The following PXDNL variants were observed in gnomAD, a reference collection of about 807,000 sequenced individuals.
The protein encoded by PXDNL is peroxidasin like.
In PXDNL, 145 loss-of-function variants were observed where a neutral mutation model predicts 150.8. The ratio of observed to expected loss-of-function variants is 0.96; its 90% confidence interval spans 0.84 to 1.10. PXDNL has a LOEUF of 1.10. Ranked by LOEUF, PXDNL falls within the 50% of genes least tolerant of loss-of-function variation. The pLI, the probability that PXDNL is intolerant of heterozygous loss-of-function variation, is 0.00. For missense variants in PXDNL, 2,087 were observed against 1,873.9 expected, an observed-to-expected ratio of 1.11 and a Z score of -2.10; for synonymous variants, 757 against 725.7, an observed-to-expected ratio of 1.04 and a Z score of -0.69.
chr8:51,509,832 A>G (rs1811375750), intron 4 of PXDNL, among the ~76,000 whole-genome samples: 1 of 151,216 alleles, frequency 6.6e-6, no homozygotes, highest in African/African-American at 2.4e-5. Flanking sequence ...GTGTGTATAT[A>G]CCGATTTAAA....
At chr8:51,440,833 G>A (rs1453245051) in intron 12 of PXDNL, among the ~76,000 whole-genome samples, 5 of 152,164 alleles carry the variant, frequency 3.3e-5, no homozygotes, top group Admixed American at 3.3e-4. Context: ...AGGGAGAAGA[G>A]TGAGATGTGT....
intron 4 of PXDNL, among the ~76,000 whole-genome samples, chr8:51,537,669 GGATATCAGA>G (rs1812112049): frequency 6.6e-6 from 1 of 152,134 alleles, no homozygotes; most frequent in South Asian, 2.1e-4. Context: ...AGCCCCCAAA[GGATATCAGA>G]GAACTTCTCT....
intron 1 of PXDNL, among the ~76,000 whole-genome samples, chr8:51,690,355 G>A (rs1815968000): frequency 6.6e-6 from 1 of 152,004 alleles, no homozygotes; most frequent in Non-Finnish European, 1.5e-5. Flanking sequence ...AGAGTGTGAT[G>A]TTCCCCTTCC....
intron 6 of PXDNL, among the ~76,000 whole-genome samples, chr8:51,481,123 G>A (rs1810594509): frequency 6.6e-6 from 1 of 152,178 alleles, no homozygotes; most frequent in Non-Finnish European, 1.5e-5. Flanking sequence ...GGGCTCAGAA[G>A]ACAGGCAGAT....
chr8:51,351,673 T>C (rs1376393648), intron 19 of PXDNL, among the ~76,000 whole-genome samples: 4 of 152,182 alleles, frequency 2.6e-5, no homozygotes, highest in Non-Finnish European at 5.9e-5. Flanking sequence ...TGGCACAGGT[T>C]AGCAGGTCCT....
At chr8:51,336,047 G>A (rs181334727) in intron 21 of PXDNL, among the ~76,000 whole-genome samples, 226 of 152,226 alleles carry the variant, frequency 1.5e-3, no homozygotes, top group Admixed American at 3.2e-3. Flanking sequence ...GACCATAAAT[G>A]TAATGTCACC....
intron 1 of PXDNL, among the ~76,000 whole-genome samples, chr8:51,728,647 AAT>A (rs1816863816): frequency 6.6e-6 from 1 of 152,298 alleles, no homozygotes; most frequent in African/African-American, 2.4e-5. Context: ...AAAGAGAGAA[AAT>A]ATGTTTGTAC....
At chr8:51,492,380 G>T (rs868366217) in intron 5 of PXDNL, among the ~76,000 whole-genome samples, 22 of 152,146 alleles carry the variant, frequency 1.4e-4, no homozygotes, top group African/African-American at 5.1e-4. Flanking sequence ...GGTGATTTCT[G>T]CATTTCCAAC....
At chr8:51,577,269 G>A (rs926791047) in intron 3 of PXDNL, among the ~76,000 whole-genome samples, 2 of 151,562 alleles carry the variant, frequency 1.3e-5, no homozygotes, top group African/African-American at 4.8e-5. Flanking sequence ...CAATATATTT[G>A]AGCAATATAT....
intron 5 of PXDNL, among the ~76,000 whole-genome samples, chr8:51,485,742 T>C (rs9643782): frequency 0.056 from 8,552 of 152,290 alleles, 389 homozygotes; most frequent in East Asian, 0.26. Flanking sequence ...CAAAACTCCA[T>C]TGCACTGGTC....
At chr8:51,735,640 G>A (rs1172392323) in intron 1 of PXDNL, among the ~76,000 whole-genome samples, 6 of 132,312 alleles carry the variant, frequency 4.5e-5, no homozygotes, top group Middle Eastern at 4.7e-3. Flanking sequence ...TCCGCCTCCC[G>A]GGTTCACGCC....
At chr8:51,513,262 G>A (rs1015969290) in intron 4 of PXDNL, among the ~76,000 whole-genome samples, 1 of 152,168 alleles carries the variant, frequency 6.6e-6, no homozygotes, top group Non-Finnish European at 1.5e-5. Context: ...TTGCAGGCAG[G>A]GCCTCGGCAT....
Position 51,346,699 on chromosome 8 carries a change from C to T in PXDNL, c.3902-752G>A, listed in dbSNP as rs78455999. Among the ~76,000 whole-genome samples the T allele has an allele frequency of 1.5e-4, 23 of 152,188 alleles. No individual in the cohort carries two copies. The East Asian group carries it at 2.3e-3, about 15-fold the overall frequency. On this transcript the variant is annotated intron_variant, in intron 19 of 22. Coordinates refer to ENST00000356297, the MANE Select transcript of PXDNL (RefSeq NM_144651.5). ...CTTGGAGATCTGTCGTTTACAAGTG[C>T]GTGGGACCTCCCGTACTCTCTTGCT...
chr8:51,486,794 ATTTTTT>A (rs1195750381), intron 5 of PXDNL, among the ~76,000 whole-genome samples: 22 of 24,672 alleles, frequency 8.9e-4, no homozygotes, highest in South Asian at 4.9e-3. Flanking sequence ...ATATATATAT[ATTTTTT>A]TTTTTTTTTT....
chr8:51,559,559 T>A (rs1436963632), intron 3 of PXDNL, among the ~76,000 whole-genome samples: 1 of 151,946 alleles, frequency 6.6e-6, no homozygotes, highest in Non-Finnish European at 1.5e-5. Context: ...CATTAGCAAC[T>A]TCAGTTTACA....
Position 51,409,081 on chromosome 8 carries a change from CG to C in PXDNL, c.2542del (p.Arg848GlyfsTer73), listed in dbSNP as rs760739836. 1 of 1,609,594 alleles carries C rather than the reference CG, an allele frequency of 6.2e-7. No individual in the cohort carries two copies. The highest frequency in any genetic ancestry group is 8.5e-7 in the Non-Finnish European group (1 of 1,179,450). On this transcript the variant is annotated frameshift_variant, in exon 17 of 23. Coordinates refer to ENST00000356297, the MANE Select transcript of PXDNL (RefSeq NM_144651.5). LOFTEE classifies it high-confidence loss of function. ...NDPPCFPMNT[R>X]HADPRGTHAP... is the part of the protein sequence containing the mutation. ...GTGGGTGCCCCGGGGGTCGGCGTGC[CG>C]GGTGTTCATGGGGAAACAAGGAGGG...
At chr8:51,443,122 G>A (rs11785187) in intron 12 of PXDNL, among the ~76,000 whole-genome samples, 26,994 of 151,818 alleles carry the variant, frequency 0.18, 2,660 homozygotes, top group East Asian at 0.32. Flanking sequence ...GTAACATTCT[G>A]TTTAGATTTC....
chr8:51,804,263 C>T (rs1474617946), intron 1 of PXDNL, among the ~76,000 whole-genome samples: 2 of 152,186 alleles, frequency 1.3e-5, no homozygotes, highest in Non-Finnish European at 2.9e-5. Context: ...TCTGATTAGC[C>T]TCTCCAAAGG....
chr8:51,710,113 T>C (rs751283505), intron 1 of PXDNL, among the ~76,000 whole-genome samples: 1 of 152,232 alleles, frequency 6.6e-6, no homozygotes, highest in Non-Finnish European at 1.5e-5. Flanking sequence ...GCTTTCCCTT[T>C]TGTCTGCTCT....
Sources: allele counts gnomAD v4.1 joint callset (sites outside exome capture counted in the v4.1 genomes callset), GRCh38; gene constraint gnomAD v4.1.1; transcripts MANE v1.5; gene names NCBI Gene and HGNC (gene_info 2026-07-23, HGNC 2026-07-21).